Variants in CALN1 observed in about 807,000 individuals in gnomAD.
CALN1 encodes calcium-binding protein 8.
A neutral mutation model predicts 30.6 loss-of-function variants in CALN1; 17 were observed. That is an observed-to-expected ratio of 0.56 (90% confidence interval 0.38 to 0.83). The LOEUF (loss-of-function observed/expected upper bound fraction) is 0.83, where lower values mean the gene tolerates loss of function less well. Among genes scored for constraint, CALN1 ranks in the 40% least tolerant of loss-of-function variants. The pLI is 0.00. For synonymous variants in CALN1, 156 were observed against 131.4 expected, an observed-to-expected ratio of 1.19 and a Z score of -1.28; for missense variants, 291 against 354.9, an observed-to-expected ratio of 0.82 and a Z score of 1.45.
At chr7:71,928,034 CTTTTG>C (rs1457652890) in intron 5 of CALN1, among the ~76,000 whole-genome samples, 4 of 152,202 alleles carry the variant, frequency 2.6e-5, no homozygotes, top group African/African-American at 9.6e-5. Context: ...CATCCTAAGG[CTTTTG>C]ATCCTTAGAG....
chr7:71,818,058 T>C (rs1788370708), intron 5 of CALN1, among the ~76,000 whole-genome samples: 1 of 152,156 alleles, frequency 6.6e-6, no homozygotes, highest in South Asian at 2.1e-4. Flanking sequence ...CTCTGCCAGA[T>C]ACTGTGATGG....
At chr7:72,395,751 G>A (rs1439881657) in intron 2 of CALN1, among the ~76,000 whole-genome samples, 2 of 152,016 alleles carry the variant, frequency 1.3e-5, no homozygotes, top group African/African-American at 4.8e-5. Context: ...GTCGAAAACC[G>A]AGAAGGAAAA....
In CALN1 at chr7:71,847,850, A is replaced by AAGG. The variant is rs1448496062; in HGVS notation, c.502-37359_502-37358insCCT. ...GAAGGAGAAGGAGAAGGAGAAGGAG[A>AAGG]AGAAGAAGAGGAAAGTTTTCCCTTT... On this transcript the variant is annotated intron_variant, in intron 5 of 6. Coordinates refer to ENST00000395275, the MANE Select transcript of CALN1 (RefSeq NM_031468.4). Among the ~76,000 whole-genome samples the AAGG allele has an allele frequency of 6.6e-5, 10 of 150,826 alleles. No individual in the cohort carries two copies. The South Asian group carries it at 1.1e-3, about 16-fold the overall frequency.
chr7:72,114,262 GGGAAGGGAAGGGAAGGGAAGGGA>G lies in CALN1; in HGVS notation c.245-7991_245-7969del, dbSNP rs1438655494. Among the ~76,000 whole-genome samples the G allele has an allele frequency of 2.3e-4, 15 of 66,260 alleles. 2 individuals are homozygous for G. The highest frequency in any genetic ancestry group is 1.9e-3 in the South Asian group (2 of 1,046). The allele number at this position is 66,260 out of a possible 152,430, so 43.5% of individuals were successfully genotyped here. ...AAAAGTTGAAGGGAAGGGAAGGGAA[GGGAAGGGAAGGGAAGGGAAGGGA>G]AGGGAAGGGAAGGGAAGGGAAGGGA... On this transcript the variant is annotated intron_variant, in intron 3 of 6. Coordinates refer to ENST00000395275, the MANE Select transcript of CALN1 (RefSeq NM_031468.4).
chr7:72,028,088 CAT>C (rs1319023482), intron 4 of CALN1, among the ~76,000 whole-genome samples: 10 of 131,486 alleles, frequency 7.6e-5, no homozygotes, highest in African/African-American at 2.7e-5. Context: ...AAAAAAAACA[CAT>C]GAGACCTGAT....
At chr7:71,892,998 T>A (rs191718912) in intron 5 of CALN1, among the ~76,000 whole-genome samples, 1 of 152,186 alleles carries the variant, frequency 6.6e-6, no homozygotes, top group Non-Finnish European at 1.5e-5. Context: ...TTGCAAGGCT[T>A]TGAAATTGAC....
chr7:71,867,132 G>A lies in CALN1; in HGVS notation c.502-56640C>T, dbSNP rs539744830. On this transcript the variant is annotated intron_variant, in intron 5 of 6. Coordinates refer to ENST00000395275, the MANE Select transcript of CALN1 (RefSeq NM_031468.4). ...TGCACTCCAGCCTGGGTGACAGAGCGAGACTCTGTCTCAAAAAAAAAAACT... is the reference window on the plus strand; with the variant it reads ...TGCACTCCAGCCTGGGTGACAGAGCAAGACTCTGTCTCAAAAAAAAAAACT... Among the ~76,000 whole-genome samples, 18 of 138,394 alleles carry A rather than the reference G, an allele frequency of 1.3e-4. No homozygotes were observed. In the East Asian group the frequency reaches 3.8e-3, roughly 29 times the overall value. The allele number at this position is 138,394 out of a possible 152,430, so 90.8% of individuals were successfully genotyped here.
intron 5 of CALN1, among the ~76,000 whole-genome samples, chr7:72,009,678 G>A (rs844733): frequency 0.019 from 2,905 of 152,176 alleles, 108 homozygotes; most frequent in African/African-American, 0.067. Flanking sequence ...TGAATCATAG[G>A]GGTGGTTTCC....
At chr7:71,854,121 T>C (rs1790802904) in intron 5 of CALN1, among the ~76,000 whole-genome samples, 1 of 152,078 alleles carries the variant, frequency 6.6e-6, no homozygotes, top group Admixed American at 6.6e-5. Flanking sequence ...TTTGGATCCT[T>C]GATATTTGCT....
chr7:72,295,797 TGTC>T (rs1369567156), intron 2 of CALN1, among the ~76,000 whole-genome samples: 2 of 151,756 alleles, frequency 1.3e-5, no homozygotes, highest in Admixed American at 6.6e-5. Flanking sequence ...TATACAATCA[TGTC>T]GTCTGCAAAG....
intron 2 of CALN1, among the ~76,000 whole-genome samples, chr7:72,386,875 A>G (rs567014921): frequency 2.6e-5 from 4 of 152,086 alleles, no homozygotes; most frequent in Non-Finnish European, 5.9e-5. Flanking sequence ...AGTTCAGTAT[A>G]GATACAGATG....
chr7:72,096,944 T>C (rs974698644), intron 4 of CALN1, among the ~76,000 whole-genome samples: 1 of 152,168 alleles, frequency 6.6e-6, no homozygotes, highest in East Asian at 1.9e-4. Flanking sequence ...ATTAAGAACA[T>C]GTGGCACACA....
chr7:72,430,667 G>A (rs543678329), intron 1 of CALN1, among the ~76,000 whole-genome samples: 9 of 152,114 alleles, frequency 5.9e-5, no homozygotes, highest in Admixed American at 1.3e-4. Context: ...CAAAATGAAG[G>A]TGAGCCGAGC....
At chr7:72,201,780 C>A (rs1171546356) in intron 3 of CALN1, among the ~76,000 whole-genome samples, 1 of 149,232 alleles carries the variant, frequency 6.7e-6, no homozygotes, top group Non-Finnish European at 1.5e-5. Flanking sequence ...TAAGCAAAAG[C>A]CAGCTAGAAC....
Position 72,338,525 on chromosome 7 carries a change from G to GTGTGTGTGTGTGTGTGTGTGTGTGTC in CALN1, c.120-59716_120-59715insGACACACACACACACACACACACACA. Among the ~76,000 whole-genome samples, 128 of 122,336 alleles carry GTGTGTGTGTGTGTGTGTGTGTGTGTC rather than the reference G, an allele frequency of 1.0e-3. 9 individuals carry two copies. Among genetic ancestry groups the GTGTGTGTGTGTGTGTGTGTGTGTGTC allele is most frequent in the African/African-American group, 2.7e-3 (85 of 32,072 alleles). 80.3% of individuals were successfully genotyped at this position (122,336 alleles called of 152,430 possible). On this transcript the variant is annotated intron_variant, in intron 2 of 6. Transcript: ENST00000395275. Reference sequence around the variant, plus strand: ...TGTGTGTGTGTGTGTGTGTGTGTGTGTGTCTCACCTGGGTGTGGTTTCAGA... The same window carrying GTGTGTGTGTGTGTGTGTGTGTGTGTC: ...TGTGTGTGTGTGTGTGTGTGTGTGTGTGTGTGTGTGTGTGTGTGTGTGTGTCTGTCTCACCTGGGTGTGGTTTCAGA...
At chr7:72,173,206 T>G (rs1432973662) in intron 3 of CALN1, among the ~76,000 whole-genome samples, 4 of 151,866 alleles carry the variant, frequency 2.6e-5, no homozygotes, top group Non-Finnish European at 1.5e-5. Context: ...CCATCTGCAG[T>G]AGTATTAAAA....
intron 5 of CALN1, among the ~76,000 whole-genome samples, chr7:71,884,823 G>A (rs113104369): frequency 1.6e-4 from 24 of 152,208 alleles, no homozygotes; most frequent in Middle Eastern, 3.4e-3. Context: ...GTTCTTTGTG[G>A]GGGAAAATCT....
chr7:72,037,941 A>G (rs1801902465), intron 4 of CALN1, among the ~76,000 whole-genome samples: 1 of 152,204 alleles, frequency 6.6e-6, no homozygotes, highest in South Asian at 2.1e-4. Flanking sequence ...GGGGGAAAAT[A>G]AAAGTGGAGA....
intron 2 of CALN1, among the ~76,000 whole-genome samples, chr7:72,297,390 AAAC>A (rs745829654): frequency 4.6e-4 from 70 of 152,318 alleles, no homozygotes; most frequent in African/African-American, 1.6e-3. Flanking sequence ...CAAAACCAAT[AAAC>A]AACAAATCTC....
Sources: gnomAD v4.1 joint callset for allele counts (sites outside exome capture counted in the v4.1 genomes callset) on GRCh38, gnomAD v4.1.1 for gene constraint, MANE v1.5 for transcripts, NCBI Gene and HGNC (gene_info 2026-07-23, HGNC 2026-07-21) for gene names.